Variants in EXOC3L2 observed in about 807,000 individuals in gnomAD.
EXOC3L2 encodes the protein exocyst complex component 3-like protein 2.
Under a neutral mutation model 44.4 loss-of-function variants are expected in EXOC3L2, and 17 were observed. The ratio of observed to expected loss-of-function variants is 0.38; its 90% CI spans 0.26 to 0.57. The LOEUF is 0.57. EXOC3L2 is among the 20% of genes least tolerant of loss of function. EXOC3L2 has a pLI of 0.65. For synonymous variants in EXOC3L2, 256 were observed against 253.7 expected, an observed-to-expected ratio of 1.01 and a Z score of -0.09; for missense variants, 541 against 588.4, an observed-to-expected ratio of 0.92 and a Z score of 0.83.
At chr19:45,233,194 C>T (rs949769819) in intron 3 of EXOC3L2, among the ~76,000 whole-genome samples, 5 of 151,906 alleles carry the variant, frequency 3.3e-5, no homozygotes, top group African/African-American at 4.8e-5. Context: ...CCAGCTTGGG[C>T]GACAGAGCAA....
intron 8 of EXOC3L2, among the ~76,000 whole-genome samples, chr19:45,219,406 A>AG (rs1714939912): frequency 6.6e-6 from 1 of 151,572 alleles, no homozygotes; most frequent in Admixed American, 6.6e-5. Flanking sequence ...AAAAAAAAAA[A>AG]AAAAAAAAGA....
rs1412736308 is a variant in EXOC3L2 at position 45,238,164 on chromosome 19, T to C, written c.523+359A>G. On this transcript the variant is annotated intron_variant, in intron 2 of 11. Transcript: ENST00000413988. The surrounding 1 kb of genome is among the most constrained non-coding windows in gnomAD (Gnocchi z 5.5). ...TAATAAAATAAATAAAATAAAGAAA[T>C]TGAAGAAATTGGGGATAGAAAGAGA... 6.6e-6 allele frequency among the ~76,000 whole-genome samples: 1 copy of C among 151,344 alleles called. No individual in the cohort carries two copies. The highest frequency in any genetic ancestry group is 1.5e-5 in the Non-Finnish European group (1 of 67,832).
rs2122991789 is a variant in EXOC3L2, at chr19:45,238,778, C to G, written c.268G>C (p.Gly90Arg). The G allele has an allele frequency of 7.5e-6, 3 of 398,956 alleles. No homozygotes were observed. The highest frequency in any genetic ancestry group is 7.1e-5 in the East Asian group (2 of 28,066). The allele number at this position is 398,956 out of a possible 1,614,324, so 24.7% of individuals were successfully genotyped here. A position where few individuals can be genotyped will look rare whatever the true frequency, so the allele number is the denominator to read the frequency against. The change falls in exon 2 of 12, where the codon GGC becomes CGC. Residue 90 changes from glycine (G) to arginine (R), a missense_variant. Transcript: ENST00000413988. This position sits in a 1 kb window ranked among gnomAD's most constrained non-coding sequence, Gnocchi z 5.5. ...CGTATCCCTGGTACCAGCACACGGC[C>G]CAAGAAAGAGCGGGGCTGCCCATCC... ...PGDGQPRSFL[G>R]RVLVPGIRRS...
In EXOC3L2 at chr19:45,238,995, C is replaced by T. The variant is rs193103832; in HGVS notation, c.51G>A (p.Ala17=). The change falls in exon 2 of 12, where the codon GCG becomes GCA. Residue 17 remains alanine, a synonymous_variant. Transcript: ENST00000413988. The surrounding 1 kb of genome is among the most constrained non-coding windows in gnomAD (Gnocchi z 5.5). ...LGVSDPKVPR[A]GTLPLRSSRN... ...GAGAGGACCTCAGGGGCAGGGTCCCCGCCCGGGGCACCTTAGGGTCTGACA... is the reference window on the plus strand; with the variant it reads ...GAGAGGACCTCAGGGGCAGGGTCCCTGCCCGGGGCACCTTAGGGTCTGACA... 24 of 399,004 alleles carry T rather than the reference C, an allele frequency of 6.0e-5. No individual in the cohort carries two copies. The highest frequency in any genetic ancestry group is 9.3e-5 in the Non-Finnish European group (21 of 226,110). The allele number at this position is 399,004 out of a possible 1,614,324, so 24.7% of individuals were successfully genotyped here.
intron 4 of EXOC3L2, among the ~76,000 whole-genome samples, chr19:45,231,285 G>C (rs1970028711): frequency 2.0e-5 from 3 of 151,926 alleles, no homozygotes; most frequent in Admixed American, 2.0e-4. Flanking sequence ...GTCTGTGCAG[G>C]TTCAGTAATT....
At chr19:45,229,534 T>C (rs1191184170) in intron 4 of EXOC3L2, among the ~76,000 whole-genome samples, 1 of 147,752 alleles carries the variant, frequency 6.8e-6, no homozygotes, top group Non-Finnish European at 1.5e-5. Context: ...ATATTATAAA[T>C]AATATATTAT....
chr19:45,212,414 T>A lies in EXOC3L2; in HGVS notation c.*655A>T, dbSNP rs1969783199. ...CTTTATTCTAAGTATCGAACGTTCC[T>A]TAATACATTGGATTGGGGCCAGACC... On this transcript the variant is annotated 3_prime_UTR_variant, in exon 12 of 12. Transcript: ENST00000413988. Among the ~76,000 whole-genome samples the A allele has an allele frequency of 6.6e-6, 1 of 152,030 alleles. No homozygotes were observed. The highest frequency in any genetic ancestry group is 1.5e-5 in the Non-Finnish European group (1 of 68,008).
At chr19:45,216,233 G>A (rs1969833603) in intron 10 of EXOC3L2, 39 bp from the exon 11 acceptor site, 1 of 1,606,502 alleles carries the variant, frequency 6.2e-7, no homozygotes, top group African/African-American at 1.3e-5. Context: ...ACCCTCCCAA[G>A]ATTGACCCTG....
At chr19:45,221,262 G>A (rs950280652) in intron 8 of EXOC3L2, among the ~76,000 whole-genome samples, 1 of 150,646 alleles carries the variant, frequency 6.6e-6, no homozygotes, top group African/African-American at 2.4e-5. Flanking sequence ...GGCTGGTGTT[G>A]AACTGCTGAA....
chr19:45,228,041 T>C lies in EXOC3L2; in HGVS notation c.1405A>G (p.Ile469Val). 3 of 1,614,106 alleles carry C rather than the reference T, an allele frequency of 1.9e-6. No homozygotes were observed. Among genetic ancestry groups the C allele is most frequent in the Non-Finnish European group, 2.5e-6 (3 of 1,180,030 alleles). ...LEEHTERAPR[I>V]SQEFGERMAH... ...ATCCGCTCCCCAAACTCCTGGCTGATGCGGGGTGCTCGCTCTGTGTGCTCT... is the reference window on the plus strand; with the variant it reads ...ATCCGCTCCCCAAACTCCTGGCTGACGCGGGGTGCTCGCTCTGTGTGCTCT... The change falls in exon 6 of 12, where the codon ATC becomes GTC. Residue 469 changes from isoleucine (I) to valine (V), a missense_variant. Transcript: ENST00000413988.
At position 45,234,174 on chromosome 19, in the gene EXOC3L2, G is replaced by A. The variant is rs346749; in HGVS notation, c.1157+19C>T. ...GGCTGAGGGTTTCACGTGACCTTGG[G>A]CAACTGAGTCCAGCTTACCTGGGGT... On this transcript the variant is annotated intron_variant, in intron 3 of 11. Transcript: ENST00000413988. The surrounding 1 kb of genome is among the most constrained non-coding windows in gnomAD (Gnocchi z 5.0). The A allele has an allele frequency of 2.1e-3, 836 of 395,526 alleles. 6 individuals are homozygous for A. The highest frequency in any genetic ancestry group is 0.014 in the African/African-American group (667 of 48,566). The allele number at this position is 395,526 out of a possible 1,614,324, so 24.5% of individuals were successfully genotyped here. A position where few individuals can be genotyped will look rare whatever the true frequency, so the allele number is the denominator to read the frequency against.
At chr19:45,226,564 G>A (rs1969962634) in intron 7 of EXOC3L2, among the ~76,000 whole-genome samples, 1 of 151,902 alleles carries the variant, frequency 6.6e-6, no homozygotes, top group Non-Finnish European at 1.5e-5. Context: ...AGCTTCCTGA[G>A]TAGCTGGGAT....
At chr19:45,229,077 AT>A (rs1423291177) in intron 4 of EXOC3L2, among the ~76,000 whole-genome samples, 2 of 151,834 alleles carry the variant, frequency 1.3e-5, no homozygotes, top group South Asian at 4.1e-4. Context: ...TCTCAAAAAA[AT>A]AAATTAAAAA....
At chr19:45,217,427 G>A in intron 10 of EXOC3L2, 101 bp downstream of exon 10, 1 of 1,351,922 alleles carries the variant, frequency 7.4e-7, no homozygotes, top group South Asian at 1.6e-5. Flanking sequence ...TTTCTGTCCT[G>A]AGCTCTGCCC....
chr19:45,224,657 C>T (rs903493095), intron 8 of EXOC3L2, 121 bp downstream of exon 8: 3 of 1,386,342 alleles, frequency 2.2e-6, no homozygotes, highest in Non-Finnish European at 2.9e-6. Flanking sequence ...CTGCCCCTGC[C>T]CCCCGCCCCT....
chr19:45,215,556 T>C (rs2122953087), intron 11 of EXOC3L2, among the ~76,000 whole-genome samples: 1 of 152,292 alleles, frequency 6.6e-6, no homozygotes, highest in Middle Eastern at 3.4e-3. Flanking sequence ...GAATTGTTAC[T>C]ATAGTCATGG....
chr19:45,234,716 G>A lies in EXOC3L2; in HGVS notation c.634C>T (p.Pro212Ser), dbSNP rs913002966. 1.3e-5 allele frequency: 5 copies of A among 391,226 alleles called. No homozygotes were observed. Among genetic ancestry groups the A allele is most frequent in the Admixed American group, 4.5e-5 (1 of 22,438 alleles). The allele number at this position is 391,226 out of a possible 1,614,324, so 24.2% of individuals were successfully genotyped here. A position where few individuals can be genotyped will look rare whatever the true frequency, so the allele number is the denominator to read the frequency against. ...LAPSRGGAPG[P>S]PKAEGAGGGR... The stretch of plus-strand genomic sequence containing the variant: ...CCGCCAGCGCCCTCGGCCTTGGGAG[G>A]CCCAGGCGCGCCGCCCCTCGACGGC... Residue 212 changes from proline (P) to serine (S), a missense_variant, in exon 3 of 12, where the codon CCT (proline) becomes TCT (serine). Coordinates refer to ENST00000413988, the MANE Select transcript of EXOC3L2 (RefSeq NM_001382422.1). This position sits in a 1 kb window ranked among gnomAD's most constrained non-coding sequence, Gnocchi z 5.0.
intron 6 of EXOC3L2, 92 bp from the exon 7 acceptor site, chr19:45,227,864 A>C: frequency 6.6e-7 from 1 of 1,504,664 alleles, no homozygotes; most frequent in Non-Finnish European, 9.1e-7. Flanking sequence ...CTGCGGTGGC[A>C]CTCTACCTGT....
chr19:45,236,726 G>A (rs1303320981), intron 2 of EXOC3L2, among the ~76,000 whole-genome samples: 2 of 152,108 alleles, frequency 1.3e-5, no homozygotes, highest in African/African-American at 4.8e-5. Context: ...GCCAGGTGCG[G>A]TGACTCATGC....
Sources: allele counts gnomAD v4.1 joint callset (sites outside exome capture counted in the v4.1 genomes callset), GRCh38; gene constraint gnomAD v4.1.1; non-coding constraint Gnocchi (gnomAD v3.1); transcripts MANE v1.5; gene names NCBI Gene and HGNC (gene_info 2026-07-23, HGNC 2026-07-21).